The following STARD13 variants were observed in gnomAD, a reference collection of about 807,000 sequenced individuals.
STARD13 encodes the protein StAR related lipid transfer domain containing 13.
STARD13 carries 62 observed loss-of-function variants against 106.4 expected under a neutral mutation model. That is an observed-to-expected ratio of 0.58 (90% CI 0.48 to 0.72). STARD13 has a LOEUF of 0.72. STARD13 is among the 30% of genes least tolerant of loss of function. The pLI is 0.00. For synonymous variants in STARD13, 565 were observed against 553.0 expected, an observed-to-expected ratio of 1.02 and a Z score of -0.31; for missense variants, 1,387 against 1,424.0, an observed-to-expected ratio of 0.97 and a Z score of 0.42.
chr13:33,597,619 G>C, the STARD13 span, among the ~76,000 whole-genome samples: 2 of 151,946 alleles, frequency 1.3e-5, no homozygotes, highest in Non-Finnish European at 2.9e-5. Context: ...GCTGAGGCAG[G>C]CAGATCACCT....
At chr13:33,367,102 A>G in the STARD13 span, among the ~76,000 whole-genome samples, 3 of 152,232 alleles carry the variant, frequency 2.0e-5, no homozygotes, top group Non-Finnish European at 4.4e-5. Flanking sequence ...CATTAACAGC[A>G]TGCACATTCA....
the STARD13 span, among the ~76,000 whole-genome samples, chr13:33,485,828 A>C: frequency 6.6e-6 from 1 of 152,358 alleles, no homozygotes; most frequent in East Asian, 1.9e-4. Context: ...ACAACCTTTC[A>C]ATTTCAAATT....
the STARD13 span, among the ~76,000 whole-genome samples, chr13:33,413,375 A>G: frequency 1.3e-5 from 2 of 152,070 alleles, no homozygotes; most frequent in South Asian, 2.1e-4. Flanking sequence ...AGCAAAATAA[A>G]TTGGAGGCAA....
At chr13:33,535,881 C>T in the STARD13 span, among the ~76,000 whole-genome samples, 9 of 152,046 alleles carry the variant, frequency 5.9e-5, no homozygotes, top group African/African-American at 1.9e-4. Flanking sequence ...TTATACAAGG[C>T]GAGATGGCAG....
At chr13:33,156,153 T>A (rs1881955862) in intron 3 of STARD13, among the ~76,000 whole-genome samples, 1 of 152,200 alleles carries the variant, frequency 6.6e-6, no homozygotes, top group Non-Finnish European at 1.5e-5. Context: ...TAACAATACT[T>A]AGTCAATAAA....
At chr13:33,571,479 T>G in the STARD13 span, among the ~76,000 whole-genome samples, 2 of 152,150 alleles carry the variant, frequency 1.3e-5, no homozygotes, top group Admixed American at 1.3e-4. Context: ...TGCTATATAT[T>G]AGTTACATAA....
the STARD13 span, among the ~76,000 whole-genome samples, chr13:33,361,073 G>A: frequency 1.1e-3 from 162 of 149,902 alleles, no homozygotes; most frequent in Admixed American, 3.2e-3. Context: ...CCAAAGTGCC[G>A]GGATTACAGG....
At chr13:33,303,150 C>A (rs891350903) in intron 1 of STARD13, among the ~76,000 whole-genome samples, 2 of 152,170 alleles carry the variant, frequency 1.3e-5, no homozygotes, top group Non-Finnish European at 2.9e-5. Flanking sequence ...CATGTGTACG[C>A]CACCTACTCC....
At chr13:33,525,994 T>C in the STARD13 span, among the ~76,000 whole-genome samples, 172 of 152,310 alleles carry the variant, frequency 1.1e-3, 6 homozygotes, top group East Asian at 0.032. Context: ...CACAGGAGCA[T>C]GCCAAGTCTG....
chr13:33,502,160 T>G, the STARD13 span, among the ~76,000 whole-genome samples: 3 of 152,274 alleles, frequency 2.0e-5, no homozygotes, highest in South Asian at 6.2e-4. Flanking sequence ...TGAATGGGAG[T>G]TAACTCCTGG....
the STARD13 span, among the ~76,000 whole-genome samples, chr13:33,438,356 A>G: frequency 2.6e-5 from 4 of 152,320 alleles, no homozygotes; most frequent in African/African-American, 7.2e-5. Context: ...TGGAATTTCA[A>G]CAAGAGAGAC....
At chr13:33,526,024 C>T in the STARD13 span, among the ~76,000 whole-genome samples, 2 of 152,062 alleles carry the variant, frequency 1.3e-5, no homozygotes, top group African/African-American at 4.8e-5. Context: ...TTTAAATGTG[C>T]TGCTTAAAAA....
At chr13:33,535,694 A>G in the STARD13 span, among the ~76,000 whole-genome samples, 1 of 152,234 alleles carries the variant, frequency 6.6e-6, no homozygotes, top group Non-Finnish European at 1.5e-5. Context: ...AAAAACTTAC[A>G]TTCTTTCTCT....
chr13:33,212,544 A>G lies in STARD13; in HGVS notation c.170-44922T>C, dbSNP rs550769324. 4.3e-4 allele frequency among the ~76,000 whole-genome samples: 66 copies of G among 152,314 alleles called. No individual in the cohort carries two copies. The South Asian group carries it at 7.0e-3, about 16-fold the overall frequency. On this transcript the variant is annotated intron_variant, in intron 1 of 13. Transcript: ENST00000336934. ...ATTAATCCTCAGGGGTCCTGCAGGC[A>G]GGTGTGGGCAGGTGCAGATGTGCAT...
chr13:33,338,327 C>G (rs2138583181), intron 1 of STARD13, among the ~76,000 whole-genome samples: 1 of 152,210 alleles, frequency 6.6e-6, no homozygotes, highest in Non-Finnish European at 1.5e-5. Flanking sequence ...TAAATGGGAC[C>G]TTAGAGATTA....
chr13:33,125,834 C>T (rs750556404), intron 7 of STARD13, among the ~76,000 whole-genome samples: 8 of 152,206 alleles, frequency 5.3e-5, no homozygotes, highest in Non-Finnish European at 1.0e-4. Flanking sequence ...ATCCCAGGAA[C>T]AAACTGTTAA....
the STARD13 span, among the ~76,000 whole-genome samples, chr13:33,632,962 C>T: frequency 1.3e-5 from 2 of 152,136 alleles, no homozygotes; most frequent in Non-Finnish European, 2.9e-5. Context: ...TAGAAAATGT[C>T]AGTGCTGTCA....
chr13:33,609,731 T>C, the STARD13 span, among the ~76,000 whole-genome samples: 1 of 151,982 alleles, frequency 6.6e-6, no homozygotes, highest in Non-Finnish European at 1.5e-5. Context: ...CACGCCCGGC[T>C]AATTTTTTGT....
chr13:33,184,086 T>C (rs1281912944), intron 1 of STARD13, among the ~76,000 whole-genome samples: 2 of 152,216 alleles, frequency 1.3e-5, no homozygotes, highest in African/African-American at 4.8e-5. Flanking sequence ...CTCTCTACTT[T>C]AAACTTCTCC....
Sources: allele counts gnomAD v4.1 joint callset (sites outside exome capture counted in the v4.1 genomes callset), GRCh38; gene constraint gnomAD v4.1.1; transcripts MANE v1.5; gene names NCBI Gene and HGNC (gene_info 2026-07-23, HGNC 2026-07-21).